The following KCNK2 variants were observed in gnomAD, a reference collection of about 807,000 sequenced individuals.
KCNK2 encodes the protein potassium channel subfamily K member 2.
A neutral mutation model predicts 40.5 loss-of-function variants in KCNK2; 21 were observed. The observed-to-expected ratio is 0.52, with a 90% CI of 0.37 to 0.75. The LOEUF is 0.75. Ranked by LOEUF, KCNK2 falls within the 30% of genes least tolerant of loss-of-function variation. KCNK2 has a pLI of 0.00. For missense variants in KCNK2, 399 were observed against 531.6 expected, an observed-to-expected ratio of 0.75 and a Z score of 2.45; for synonymous variants, 191 against 202.2, an observed-to-expected ratio of 0.94 and a Z score of 0.47.
intron 6 of KCNK2, among the ~76,000 whole-genome samples, chr1:215,216,171 A>C (rs375420096): frequency 1.3e-5 from 2 of 151,950 alleles, no homozygotes; most frequent in Non-Finnish European, 1.5e-5. Context: ...AGGATGAGGG[A>C]TATTTCTGAT....
chr1:215,188,061 T>G (rs972950416), intron 5 of KCNK2, among the ~76,000 whole-genome samples: 26 of 152,310 alleles, frequency 1.7e-4, no homozygotes, highest in African/African-American at 5.3e-4. Flanking sequence ...TCCTCATGGT[T>G]AATATTATGA....
intron 5 of KCNK2, among the ~76,000 whole-genome samples, chr1:215,180,599 A>T (rs1664183803): frequency 6.6e-6 from 1 of 151,842 alleles, no homozygotes; most frequent in African/African-American, 2.4e-5. Flanking sequence ...AAAATATTTT[A>T]TTTCTTCTTT....
intron 3 of KCNK2, among the ~76,000 whole-genome samples, chr1:215,131,681 A>G (rs2102590110): frequency 6.6e-6 from 1 of 152,134 alleles, no homozygotes; most frequent in East Asian, 1.9e-4. Flanking sequence ...GCAAATAACA[A>G]GAAGGCCACT....
At chr1:215,057,193 A>T (rs1266210312) in intron 1 of KCNK2, among the ~76,000 whole-genome samples, 1 of 145,634 alleles carries the variant, frequency 6.9e-6, no homozygotes, top group African/African-American at 2.5e-5. Context: ...AACCAGAGGT[A>T]CAAGTATTTT....
chr1:215,129,316 C>T (rs1356258180), intron 3 of KCNK2, among the ~76,000 whole-genome samples: 1 of 152,084 alleles, frequency 6.6e-6, no homozygotes, highest in Non-Finnish European at 1.5e-5. Flanking sequence ...TCTCCCCCTA[C>T]CCCCATTTTT....
intron 1 of KCNK2, among the ~76,000 whole-genome samples, chr1:215,030,427 C>T (rs1657144983): frequency 6.6e-6 from 1 of 152,014 alleles, no homozygotes; most frequent in Non-Finnish European, 1.5e-5. Context: ...TTTATACATA[C>T]TTTCTATTAT....
At chr1:215,029,076 A>G (rs7523487) in intron 1 of KCNK2, among the ~76,000 whole-genome samples, 14,924 of 151,978 alleles carry the variant, frequency 0.098, 888 homozygotes, top group Middle Eastern at 0.18. Context: ...GCTTCCCGCA[A>G]TATCAACATC....
At chr1:215,145,961 A>G (rs1170644932) in intron 3 of KCNK2, among the ~76,000 whole-genome samples, 2 of 152,190 alleles carry the variant, frequency 1.3e-5, no homozygotes, top group African/African-American at 4.8e-5. Flanking sequence ...ACAGCAATTG[A>G]CAGAAATATA....
chr1:215,126,383 C>A (rs1661438267), intron 3 of KCNK2, among the ~76,000 whole-genome samples: 1 of 152,082 alleles, frequency 6.6e-6, no homozygotes, highest in Non-Finnish European at 1.5e-5. Context: ...AGAATGGCAA[C>A]CTTGATTTCT....
intron 6 of KCNK2, among the ~76,000 whole-genome samples, chr1:215,232,161 T>C (rs1246332769): frequency 2.6e-5 from 4 of 152,190 alleles, no homozygotes; most frequent in Non-Finnish European, 5.9e-5. Flanking sequence ...GAAGTGTTAT[T>C]TGTAACAGCT....
At chr1:215,050,427 C>T (rs1335871685) in intron 1 of KCNK2, among the ~76,000 whole-genome samples, 1 of 152,120 alleles carries the variant, frequency 6.6e-6, no homozygotes, top group African/African-American at 2.4e-5. Flanking sequence ...TGGGAGACTT[C>T]TCTGTTCCAA....
intron 2 of KCNK2, among the ~76,000 whole-genome samples, chr1:215,108,277 G>T (rs1270304650): frequency 2.0e-5 from 3 of 152,030 alleles, no homozygotes; most frequent in Non-Finnish European, 2.9e-5. Flanking sequence ...CCTGTTATAA[G>T]TAATCTAGAG....
At chr1:215,031,750 A>G (rs1657197939) in intron 1 of KCNK2, among the ~76,000 whole-genome samples, 1 of 152,204 alleles carries the variant, frequency 6.6e-6, no homozygotes, top group Non-Finnish European at 1.5e-5. Flanking sequence ...TGATTTTTGT[A>G]TATTGACTTA....
At chr1:215,106,704 G>T (rs953793365) in intron 2 of KCNK2, among the ~76,000 whole-genome samples, 1 of 152,004 alleles carries the variant, frequency 6.6e-6, no homozygotes, top group Non-Finnish European at 1.5e-5. Context: ...TTCTTCAAGG[G>T]TTTTTATGAT....
chr1:215,227,636 G>C (rs1481648816), intron 6 of KCNK2, among the ~76,000 whole-genome samples: 1 of 152,140 alleles, frequency 6.6e-6, no homozygotes, highest in Non-Finnish European at 1.5e-5. Context: ...GTTCATTACA[G>C]GGCAATTTGG....
chr1:215,127,202 C>T (rs928596303), intron 3 of KCNK2, among the ~76,000 whole-genome samples: 4 of 152,088 alleles, frequency 2.6e-5, no homozygotes, highest in Admixed American at 1.3e-4. Flanking sequence ...CTGGTACAGG[C>T]AGTGCTTCAC....
intron 3 of KCNK2, among the ~76,000 whole-genome samples, chr1:215,147,899 A>T (rs1018807695): frequency 2.6e-5 from 4 of 152,040 alleles, no homozygotes; most frequent in African/African-American, 7.2e-5. Context: ...GATTTCTAAA[A>T]GGTTTGCTCT....
intron 2 of KCNK2, among the ~76,000 whole-genome samples, chr1:215,103,398 T>G (rs187105389): frequency 2.3e-3 from 349 of 152,142 alleles, no homozygotes; most frequent in Admixed American, 5.6e-3. Context: ...ACCTCTAAAA[T>G]TTATTTTGTA....
At chr1:215,167,586 A>C (rs1663505150) in intron 3 of KCNK2, among the ~76,000 whole-genome samples, 1 of 152,162 alleles carries the variant, frequency 6.6e-6, no homozygotes, top group African/African-American at 2.4e-5. Flanking sequence ...AAAACTGGAA[A>C]GGCTTTAAGA....
Sources: gnomAD v4.1 joint callset for allele counts (sites outside exome capture counted in the v4.1 genomes callset) on GRCh38, gnomAD v4.1.1 for gene constraint, MANE v1.5 for transcripts, NCBI Gene and HGNC (gene_info 2026-07-23, HGNC 2026-07-21) for gene names.